Variants in KPTN observed in about 807,000 individuals in gnomAD.
KPTN encodes the protein KICSTOR complex protein kaptin.
Under a neutral mutation model 52.6 loss-of-function variants are expected in KPTN, and 36 were observed. That is an observed-to-expected ratio of 0.68 (90% confidence interval 0.52 to 0.90). The LOEUF is 0.90. KPTN is among the 40% of genes least tolerant of loss of function. The probability of loss-of-function intolerance (pLI) is 0.00; values close to 1 mark genes in which losing one functional copy is unlikely to be tolerated. For missense variants in KPTN, 529 were observed against 576.2 expected (o/e 0.92, Z 0.84); for synonymous variants, 271 against 248.4 (o/e 1.09, Z -0.85).
chr19:47,476,834 C>A lies in KPTN; in HGVS notation c.968G>T (p.Arg323Leu). Reference protein sequence around the residue: ...SLVTDVDLDGRPEVLVATYGQ... With the variant: ...SLVTDVDLDGLPEVLVATYGQ... ...ATAGGTGGCCACCAGGACTTCTGGC[C>A]GCCCATCCAAATCCACATCGGTGAC... Residue 323 changes from arginine to leucine, a missense_variant, in exon 10 of 12, where the codon CGG becomes CTG. Coordinates refer to ENST00000338134, the MANE Select transcript of KPTN (RefSeq NM_007059.4). The A allele has an allele frequency of 6.3e-7, 1 of 1,582,272 alleles. No individual in the cohort carries two copies. The highest frequency in any genetic ancestry group is 8.6e-7 in the Non-Finnish European group (1 of 1,163,904).
intron 7 of KPTN, 52 bp from the exon 8 acceptor site, chr19:47,479,992 C>A: frequency 1.4e-6 from 2 of 1,469,376 alleles, no homozygotes; most frequent in Non-Finnish European, 1.9e-6. Flanking sequence ...GTCCCGCCCG[C>A]AGCCCTGAAA....
At position 47,484,143 on chromosome 19, in the gene KPTN, G is replaced by A; in HGVS notation, c.18C>T (p.Ala6=). 2 of 1,597,696 alleles carry A rather than the reference G, an allele frequency of 1.3e-6. No homozygotes were observed. The highest frequency in any genetic ancestry group is 1.7e-6 in the Non-Finnish European group (2 of 1,178,506). The part of the protein sequence containing the change: MMGEA[A]VAAGPCPLRE... ...GCAACGGACAAGGCCCCGCGGCCAC[G>A]GCCGCCTCCCCCATCATGCCCCTCA... The change falls in exon 1 of 12, where the codon GCC becomes GCT. Residue 6 remains alanine, a synonymous_variant. Coordinates refer to ENST00000338134, the MANE Select transcript of KPTN (RefSeq NM_007059.4).
chr19:47,485,660 CTA>C (rs1491141839), upstream of KPTN, among the ~76,000 whole-genome samples: 1 of 152,178 alleles, frequency 6.6e-6, no homozygotes, highest in Non-Finnish European at 1.5e-5. Context: ...AAATCACAAA[CTA>C]TGTGCTGAGC....
upstream of KPTN, chr19:47,484,284 C>T: frequency 7.8e-7 from 1 of 1,278,512 alleles, no homozygotes; most frequent in Non-Finnish European, 1.0e-6. Flanking sequence ...CGTACGGAAG[C>T]TGCCGGCGTT....
chr19:47,476,598 C>T lies in KPTN; in HGVS notation c.1116G>A (p.Val372=), dbSNP rs1169142509. The T allele has an allele frequency of 1.1e-5, 18 of 1,612,322 alleles. No individual in the cohort carries two copies. Among genetic ancestry groups the T allele is most frequent in the Non-Finnish European group, 1.5e-5 (18 of 1,179,770 alleles). ...CCTGCAGCCCATCCCCGGTCAGGTC[C>T]ACGTGAGCCATGGCCAGCAGGGGAC... The part of the protein sequence containing the change: ...FSSPLLAMAH[V]DLTGDGLQEL... The change falls in exon 11 of 12, where the codon GTG becomes GTA. Residue 372 remains valine, a synonymous_variant. Coordinates refer to ENST00000338134, the MANE Select transcript of KPTN (RefSeq NM_007059.4).
intron 4 of KPTN, chr19:47,481,747 T>G (rs939939551): frequency 2.6e-5 from 4 of 152,232 alleles, no homozygotes; most frequent in African/African-American, 9.7e-5. Context: ...AGACTGGCCC[T>G]CAAAGCCTAA....
At chr19:47,480,898 C>T in intron 5 of KPTN, 60 bp downstream of exon 5, 1 of 1,611,156 alleles carries the variant, frequency 6.2e-7, no homozygotes, top group Non-Finnish European at 8.5e-7. Context: ...CATATACCCA[C>T]CCAGCGCCAG....
intron 8 of KPTN, 52 bp downstream of exon 8, chr19:47,479,811 G>A (rs1352799911): frequency 6.2e-6 from 9 of 1,456,612 alleles, no homozygotes; most frequent in African/African-American, 1.4e-5. Flanking sequence ...ATGCAGAGTT[G>A]CCTCTTCCCT....
Position 47,475,603 on chromosome 19 carries a change from G to A in KPTN, c.1183-59C>T, listed in dbSNP as rs371834992. 5.4e-4 allele frequency: 853 copies of A among 1,589,192 alleles called. 3 individuals carry two copies. Among genetic ancestry groups the A allele is most frequent in the South Asian group, 1.9e-3 (172 of 89,600 alleles). On this transcript the variant is annotated intron_variant, in intron 11 of 11. Transcript: ENST00000338134. ...TGAGGAAGAGCTGTGGGACCACAGCGGGACCGTCTGGAGTGAAGCAACTCC... is the reference window on the plus strand; with the variant it reads ...TGAGGAAGAGCTGTGGGACCACAGCAGGACCGTCTGGAGTGAAGCAACTCC...
At chr19:47,478,227 C>T (rs1288418989) in intron 8 of KPTN, among the ~76,000 whole-genome samples, 7 of 151,848 alleles carry the variant, frequency 4.6e-5, no homozygotes, top group Non-Finnish European at 2.9e-5. Context: ...TAGAGATTGG[C>T]CCATGAGACA....
chr19:47,476,338 T>C (rs569112950), intron 11 of KPTN, among the ~76,000 whole-genome samples, 194 bp downstream of exon 11: 1 of 95,672 alleles, frequency 1.0e-5, no homozygotes, highest in South Asian at 4.4e-4. Context: ...AATAAATAAA[T>C]CTCCTTCACC....
chr19:47,482,485 AAAAAAAAAAAG>A (rs1218517075), intron 4 of KPTN, among the ~76,000 whole-genome samples: 3 of 150,828 alleles, frequency 2.0e-5, no homozygotes, highest in Non-Finnish European at 4.4e-5. Context: ...TATCTCAAAA[AAAAAAAAAAAG>A]AAAGAAAAAA....
chr19:47,484,445 C>G (rs919193838), upstream of KPTN: 3 of 527,144 alleles, frequency 5.7e-6, no homozygotes, highest in African/African-American at 1.9e-5. Flanking sequence ...GTGGCCACGG[C>G]CTCTCGCTGT....
chr19:47,477,621 G>A (rs1967717390), intron 9 of KPTN, 85 bp downstream of exon 9: 8 of 1,032,104 alleles, frequency 7.8e-6, no homozygotes, highest in African/African-American at 3.1e-5. Context: ...CCACCCAGAG[G>A]AACTTACTGT....
chr19:47,482,480 C>CAAAAA (rs774530971), intron 4 of KPTN, among the ~76,000 whole-genome samples: 5 of 70,160 alleles, frequency 7.1e-5, no homozygotes, highest in East Asian at 4.1e-4. Context: ...GCATCTATCT[C>CAAAAA]AAAAAAAAAA....
At chr19:47,480,098 C>T (rs1363515732) in intron 7 of KPTN, among the ~76,000 whole-genome samples, 158 bp from the exon 8 acceptor site, 2 of 122,438 alleles carry the variant, frequency 1.6e-5, no homozygotes, top group African/African-American at 6.4e-5. Context: ...TCCCCACCCT[C>T]ATCCCTTCCC....
At position 47,477,245 on chromosome 19, in the gene KPTN, C is replaced by T. The variant is rs182934592; in HGVS notation, c.864-307G>A. Reference sequence around the variant, plus strand: ...ACACCCACGCTGCCTTCGTGGAGCCCGAAGAGGGCTTGGCCCTGGCCTGGA... The same window carrying T: ...ACACCCACGCTGCCTTCGTGGAGCCTGAAGAGGGCTTGGCCCTGGCCTGGA... On this transcript the variant is annotated intron_variant, in intron 9 of 11. Transcript: ENST00000338134. Among the ~76,000 whole-genome samples, 182 of 152,288 alleles carry T rather than the reference C, an allele frequency of 1.2e-3. 3 individuals are homozygous for T. The highest frequency in any genetic ancestry group is 0.01 in the Admixed American group (159 of 15,302).
chr19:47,482,264 G>T (rs976200641), intron 4 of KPTN, among the ~76,000 whole-genome samples: 15 of 152,070 alleles, frequency 9.9e-5, no homozygotes, highest in Admixed American at 4.6e-4. Flanking sequence ...CAAGGCGGGC[G>T]GATCACCTGA....
rs1164377125 is a variant in KPTN, at chr19:47,484,175, C to A, written c.-15G>T. On this transcript the variant is annotated 5_prime_UTR_variant, in exon 1 of 12. Transcript: ENST00000338134. The stretch of plus-strand genomic sequence containing the variant: ...TCCCCCATCATGCCCCTCAGTTAAG[C>A]ACCCTCTCCGCAGCCCCCGCCCCAA... The A allele has an allele frequency of 6.3e-7, 1 of 1,589,306 alleles. No homozygotes were observed. Among genetic ancestry groups the A allele is most frequent in the African/African-American group, 1.3e-5 (1 of 74,762 alleles).
Sources: gnomAD v4.1 joint callset for allele counts (sites outside exome capture counted in the v4.1 genomes callset) on GRCh38, gnomAD v4.1.1 for gene constraint, MANE v1.5 for transcripts, NCBI Gene and HGNC (gene_info 2026-07-23, HGNC 2026-07-21) for gene names.